The following IFT46 variants were observed in gnomAD, a reference collection of about 807,000 sequenced individuals.
The protein encoded by IFT46 is intraflagellar transport protein 46 homolog.
In IFT46, 19 loss-of-function variants were observed where a neutral mutation model predicts 39.6. That is an observed-to-expected ratio of 0.48 (90% CI 0.33 to 0.70). The LOEUF (loss-of-function observed/expected upper bound fraction) is 0.70, where lower values mean the gene tolerates loss of function less well. Among genes scored for constraint, IFT46 ranks in the 30% least tolerant of loss-of-function variants. IFT46 has a pLI of 0.01. For synonymous variants in IFT46, 117 were observed against 134.8 expected, an observed-to-expected ratio of 0.87 and a Z score of 0.91; for missense variants, 334 against 364.8, an observed-to-expected ratio of 0.92 and a Z score of 0.69.
At chr11:118,555,665 T>TA (rs1477036409) in intron 4 of IFT46, 9 of 218,136 alleles carry the variant, frequency 4.1e-5, no homozygotes, top group African/African-American at 1.6e-4. Flanking sequence ...CTCACACCTG[T>TA]AATCCCAGCA....
At chr11:118,572,341 A>AGGGGGGGGGGGGGGG in intron 1 of IFT46, 1 of 246,926 alleles carries the variant, frequency 4.0e-6, no homozygotes. Flanking sequence ...CCCAGCCCAC[A>AGGGGGGGGGGGGGGG]GGCCCCGCCC....
upstream of IFT46, chr11:118,573,647 G>A (rs782321762): frequency 1.0e-5 from 7 of 702,300 alleles, no homozygotes; most frequent in African/African-American, 3.5e-5. Flanking sequence ...ATCGTCCAGT[G>A]TACCTGAGAG....
rs782457822 is a variant in IFT46 at position 118,555,228 on chromosome 11, T to C, written c.260+20A>G. The C allele has an allele frequency of 6.2e-7, 1 of 1,602,654 alleles. No individual in the cohort carries two copies. The highest frequency in any genetic ancestry group is 8.6e-7 in the Non-Finnish European group (1 of 1,169,570). On this transcript the variant is annotated intron_variant, in intron 5 of 11. Coordinates refer to ENST00000264021, the MANE Select transcript of IFT46 (RefSeq NM_001168618.2). ...GCAAGGTAGGGATAGTGGGGTATGG[T>C]GGGAGGTCCTAGTACTCACCTACTG...
intron 7 of IFT46, among the ~76,000 whole-genome samples, chr11:118,553,366 G>A (rs1268965000): frequency 6.6e-6 from 1 of 151,474 alleles, no homozygotes; most frequent in Non-Finnish European, 1.5e-5. Context: ...GCTTGAACCC[G>A]GGAGGTGGAG....
chr11:118,557,498 A>C, intron 3 of IFT46: 1 of 514,996 alleles, frequency 1.9e-6, no homozygotes. Flanking sequence ...TTAATTTGCA[A>C]GACTGCCCAG....
chr11:118,552,108 T>C (rs1937661336), intron 8 of IFT46, 106 bp downstream of exon 8: 2 of 1,376,026 alleles, frequency 1.5e-6, no homozygotes. Flanking sequence ...GGACCTCAGG[T>C]TGATCAAATA....
At chr11:118,562,862 G>A (rs190952418) in intron 2 of IFT46, among the ~76,000 whole-genome samples, 1,605 of 152,224 alleles carry the variant, frequency 0.011, 30 homozygotes, top group African/African-American at 0.037. Context: ...TCAGGAGATC[G>A]AGGCCATCCG....
chr11:118,561,098 C>G, intron 2 of IFT46: 1 of 1,523,268 alleles, frequency 6.6e-7, no homozygotes, highest in Admixed American at 1.7e-5. Flanking sequence ...CATTGATGGT[C>G]AGCCAGGTGC....
chr11:118,567,708 A>T (rs565191008), upstream of IFT46, among the ~76,000 whole-genome samples: 2 of 152,380 alleles, frequency 1.3e-5, no homozygotes, highest in African/African-American at 4.8e-5. Flanking sequence ...ACTGATAGTT[A>T]AAAATAGAAC....
chr11:118,572,583 G>C, intron 1 of IFT46: 1 of 1,600,226 alleles, frequency 6.2e-7, no homozygotes, highest in Non-Finnish European at 8.5e-7. Flanking sequence ...AACTCCTGGG[G>C]TCCGAGCCTC....
rs782510495 is a variant in IFT46 at position 118,556,974 on chromosome 11, A to ATCATCATCATCG, written c.105_116dup (p.Asp38_Asp41dup). On this transcript the variant is annotated inframe_insertion, in exon 4 of 12. Coordinates refer to ENST00000264021, the MANE Select transcript of IFT46 (RefSeq NM_001168618.2). ...CAGAATCAGTTTCAGATGAATCATC[A>ATCATCATCATCG]TCATCATCATCGTCATCCTCATTTT... 4 of 1,612,192 alleles carry ATCATCATCATCG rather than the reference A, an allele frequency of 2.5e-6. 1 individual carries two copies. Among genetic ancestry groups the ATCATCATCATCG allele is most frequent in the Middle Eastern group, 3.3e-4 (2 of 6,072 alleles).
intron 3 of IFT46, chr11:118,557,628 A>G (rs1555069767): frequency 2.4e-6 from 3 of 1,267,848 alleles, no homozygotes; most frequent in Non-Finnish European, 1.1e-6. Flanking sequence ...CTCTTCATGG[A>G]GTATCTGACC....
At chr11:118,546,339 A>C in intron 9 of IFT46, 1 of 582,162 alleles carries the variant, frequency 1.7e-6, no homozygotes, top group Non-Finnish European at 3.1e-6. Context: ...CTCTACAAAA[A>C]AATTAGCCGG....
At chr11:118,547,315 C>T (rs1591358264) in intron 9 of IFT46, 1 of 152,182 alleles carries the variant, frequency 6.6e-6, no homozygotes, top group Non-Finnish European at 1.5e-5. Flanking sequence ...AAAGCAGGGA[C>T]AGAGGGCGGG....
At chr11:118,560,210 T>A in intron 2 of IFT46, 2 of 229,080 alleles carry the variant, frequency 8.7e-6, no homozygotes, top group Admixed American at 1.1e-4. Flanking sequence ...CCCAGGAGTT[T>A]GAGCCTAGAC....
upstream of IFT46, among the ~76,000 whole-genome samples, chr11:118,576,146 A>G (rs1473847067): frequency 6.6e-6 from 1 of 151,742 alleles, no homozygotes; most frequent in Non-Finnish European, 1.5e-5. Context: ...CAGAACAGAA[A>G]CCTAATTCTC....
chr11:118,568,080 A>G (rs1471287791), upstream of IFT46, among the ~76,000 whole-genome samples: 4 of 152,170 alleles, frequency 2.6e-5, no homozygotes, highest in African/African-American at 9.7e-5. Context: ...TAATTCAGCT[A>G]CCGTTATATT....
At chr11:118,567,518 G>A (rs1938254556), upstream of IFT46, among the ~76,000 whole-genome samples, 1 of 152,094 alleles carries the variant, frequency 6.6e-6, no homozygotes, top group Non-Finnish European at 1.5e-5. Flanking sequence ...GGAGGTTGTG[G>A]TGAGCCGAGA....
chr11:118,557,186 G>A, intron 3 of IFT46, 141 bp from the exon 4 acceptor site: 1 of 678,472 alleles, frequency 1.5e-6, no homozygotes, highest in Non-Finnish European at 2.2e-6. Context: ...TTCCCAGAAG[G>A]GGCTTGAGAG....
Sources: allele counts gnomAD v4.1 joint callset (sites outside exome capture counted in the v4.1 genomes callset), GRCh38; gene constraint gnomAD v4.1.1; transcripts MANE v1.5; gene names NCBI Gene and HGNC (gene_info 2026-07-23, HGNC 2026-07-21).